MAF: variants seen among roughly 807,000 people sequenced by gnomAD.
The protein encoded by MAF is MAF bZIP transcription factor.
A neutral mutation model predicts 22.0 loss-of-function variants in MAF; 10 were observed. That is an observed-to-expected ratio of 0.45 (90% CI 0.28 to 0.77). MAF has a LOEUF of 0.77. Among genes scored for constraint, MAF ranks in the 30% least tolerant of loss-of-function variants. The pLI is 0.12. For missense variants in MAF, 544 were observed against 548.4 expected, an observed-to-expected ratio of 0.99 and a Z score of 0.08; for synonymous variants, 337 against 255.8, an observed-to-expected ratio of 1.32 and a Z score of -3.03.
the MAF span, among the ~76,000 whole-genome samples, chr16:79,486,860 C>A: frequency 1.1e-4 from 17 of 152,208 alleles, no homozygotes; most frequent in African/African-American, 4.1e-4. Flanking sequence ...GCAGATCATA[C>A]TCGTAGCTAC....
Position 79,594,354 on chromosome 16 carries a change from T to C in MAF, c.*106A>G. The C allele has an allele frequency of 9.9e-7, 1 of 1,012,996 alleles. No individual in the cohort carries two copies. The highest frequency in any genetic ancestry group is 1.4e-5 in the South Asian group (1 of 72,306). 62.8% of individuals were successfully genotyped at this position (1,012,996 alleles called of 1,614,324 possible). ...CCTTCTTCTCTAACACAGTAATTTT[T>C]ATTTAAAAAGGAGACTAAACAGAAG... On this transcript the variant is annotated 3_prime_UTR_variant, in exon 2 of 2. Transcript: ENST00000326043.
the MAF span, among the ~76,000 whole-genome samples, chr16:79,339,861 A>C: frequency 7.9e-5 from 12 of 152,344 alleles, no homozygotes; most frequent in African/African-American, 2.9e-4. Context: ...AAGCAAAGCC[A>C]ACACTGGATT....
the MAF span, among the ~76,000 whole-genome samples, chr16:79,407,439 C>T: frequency 6.6e-6 from 1 of 152,122 alleles, no homozygotes; most frequent in African/African-American, 2.4e-5. Flanking sequence ...CTGTTACAAG[C>T]CCTTTGAAAG....
At chr16:79,318,435 C>T in the MAF span, among the ~76,000 whole-genome samples, 31 of 152,190 alleles carry the variant, frequency 2.0e-4, no homozygotes, top group African/African-American at 5.5e-4. Flanking sequence ...TTCTGATTCT[C>T]CATCCATGGG....
At chr16:79,432,993 G>A in the MAF span, among the ~76,000 whole-genome samples, 12 of 152,100 alleles carry the variant, frequency 7.9e-5, no homozygotes, top group Non-Finnish European at 1.6e-4. Context: ...TCTTATGCCA[G>A]CCTAGCAAAC....
the MAF span, among the ~76,000 whole-genome samples, chr16:79,267,318 T>A: frequency 6.6e-6 from 1 of 152,174 alleles, no homozygotes; most frequent in African/African-American, 2.4e-5. Context: ...TCTGCCAGCC[T>A]GGAAGTGGTT....
At chr16:79,476,676 C>T in the MAF span, among the ~76,000 whole-genome samples, 1 of 152,130 alleles carries the variant, frequency 6.6e-6, no homozygotes, top group South Asian at 2.1e-4. Context: ...TCTGGATATT[C>T]AAAGTGCCTA....
the MAF span, among the ~76,000 whole-genome samples, chr16:79,342,387 T>G: frequency 2.0e-5 from 3 of 152,230 alleles, no homozygotes; most frequent in Admixed American, 6.5e-5. Flanking sequence ...GGCTGCAGCA[T>G]GAGGCAGTTA....
At chr16:79,598,640 G>C (rs1913742397) in intron 1 of MAF, 145 bp downstream of exon 1, 1 of 1,525,996 alleles carries the variant, frequency 6.6e-7, no homozygotes, top group African/African-American at 1.4e-5. Flanking sequence ...TGTGTGTGTA[G>C]GGGGCCAAGG....
chr16:79,413,376 T>C, the MAF span, among the ~76,000 whole-genome samples: 1 of 146,740 alleles, frequency 6.8e-6, no homozygotes, highest in Non-Finnish European at 1.5e-5. Flanking sequence ...TCCGAGTAGC[T>C]GGGACTACAG....
At chr16:79,559,508 T>A in the MAF span, among the ~76,000 whole-genome samples, 1 of 152,190 alleles carries the variant, frequency 6.6e-6, no homozygotes, top group African/African-American at 2.4e-5. Context: ...CTGCCTTCCG[T>A]TCTACTAGCA....
chr16:79,222,375 G>A, the MAF span, among the ~76,000 whole-genome samples: 3 of 152,220 alleles, frequency 2.0e-5, no homozygotes, highest in East Asian at 1.9e-4. Context: ...ACCAGCCACT[G>A]CAAAAAGATA....
the MAF span, among the ~76,000 whole-genome samples, chr16:79,327,770 T>C: frequency 6.6e-6 from 1 of 152,228 alleles, no homozygotes; most frequent in African/African-American, 2.4e-5. Context: ...CACAAGTCCC[T>C]GAGGAAGATA....
the MAF span, among the ~76,000 whole-genome samples, chr16:79,574,538 G>C: frequency 6.6e-6 from 1 of 152,102 alleles, no homozygotes; most frequent in African/African-American, 2.4e-5. Context: ...GCTGGCTCTG[G>C]GATGAACTGA....
the MAF span, among the ~76,000 whole-genome samples, chr16:79,447,833 G>A: frequency 7.8e-3 from 1,038 of 133,544 alleles, 3 homozygotes; most frequent in Non-Finnish European, 0.012. Context: ...GGTGGAGGAC[G>A]TTGTTGTTAG....
At chr16:79,568,337 A>G in the MAF span, among the ~76,000 whole-genome samples, 1 of 152,168 alleles carries the variant, frequency 6.6e-6, no homozygotes, top group African/African-American at 2.4e-5. Flanking sequence ...CAGGCTTATT[A>G]AGAGCCCAGG....
the MAF span, among the ~76,000 whole-genome samples, chr16:79,240,696 A>G: frequency 2.6e-5 from 4 of 151,724 alleles, no homozygotes; most frequent in African/African-American, 9.7e-5. Context: ...GAGCTCTGCT[A>G]AGGGTCAGAC....
At chr16:79,435,155 C>G in the MAF span, among the ~76,000 whole-genome samples, 4 of 152,136 alleles carry the variant, frequency 2.6e-5, no homozygotes, top group African/African-American at 9.7e-5. Context: ...ACGCAGTACA[C>G]CTATACCTAT....
chr16:79,427,496 T>C, the MAF span, among the ~76,000 whole-genome samples: 1 of 152,222 alleles, frequency 6.6e-6, no homozygotes, highest in African/African-American at 2.4e-5. Flanking sequence ...AGTAGTGATG[T>C]TGGCTCAGTG....
Sources: gnomAD v4.1 joint callset for allele counts (sites outside exome capture counted in the v4.1 genomes callset) on GRCh38, gnomAD v4.1.1 for gene constraint, MANE v1.5 for transcripts, NCBI Gene and HGNC (gene_info 2026-07-23, HGNC 2026-07-21) for gene names.